The following KAT8 variants were observed in gnomAD, a reference collection of about 807,000 sequenced individuals.
KAT8 encodes lysine acetyltransferase 8.
Under a neutral mutation model 62.9 loss-of-function variants are expected in KAT8, and 40 were observed. The ratio of observed to expected loss-of-function variants is 0.64; its 90% CI spans 0.49 to 0.83. The LOEUF (loss-of-function observed/expected upper bound fraction) is 0.83, where lower values mean the gene tolerates loss of function less well. Ranked by LOEUF, KAT8 falls within the 40% of genes least tolerant of loss-of-function variation. The pLI is 0.00. For missense variants in KAT8, 387 were observed against 614.8 expected, an observed-to-expected ratio of 0.63 and a Z score of 3.92; for synonymous variants, 278 against 254.5, an observed-to-expected ratio of 1.09 and a Z score of -0.88.
chr16:31,127,368 G>A lies in KAT8; in HGVS notation c.681+15G>A, dbSNP rs773819331. 4.3e-6 allele frequency: 7 copies of A among 1,613,280 alleles called. No homozygotes were observed. The Admixed American group carries it at 1.0e-4, about 23-fold the overall frequency. On this transcript the variant is annotated intron_variant, in intron 5 of 10. Coordinates refer to ENST00000219797, the MANE Select transcript of KAT8 (RefSeq NM_032188.3). ...GCTTCCACTTGGTGAGGCTGGGCCG[G>A]CCGGGCCGAGCTGGGCAGGGGCCCG...
At chr16:31,128,254 A>G in intron 6 of KAT8, 115 bp downstream of exon 6, 1 of 806,052 alleles carries the variant, frequency 1.2e-6, no homozygotes, top group Non-Finnish European at 2.1e-6. Context: ...TATGGGCAGA[A>G]TGCCTCTGAG....
In KAT8 at chr16:31,117,912, C is replaced by T; in HGVS notation, c.211+20C>T. 1.1e-6 allele frequency: 1 copy of T among 920,648 alleles called. No homozygotes were observed. Among genetic ancestry groups the T allele is most frequent in the Non-Finnish European group, 1.4e-6 (1 of 724,694 alleles). The allele number at this position is 920,648 out of a possible 1,614,324, so 57.0% of individuals were successfully genotyped here. A position where few individuals can be genotyped will look rare whatever the true frequency, so the allele number is the denominator to read the frequency against. ...CCTGGCGTGAGGGCGGGGCCCAGGG[C>T]TGGGGGCGGGGCGGAGCTCAGGGCC... On this transcript the variant is annotated intron_variant, in intron 1 of 10. Transcript: ENST00000219797.
chr16:31,122,269 G>T (rs1163993236), intron 3 of KAT8: 2 of 152,180 alleles, frequency 1.3e-5, no homozygotes, highest in African/African-American at 4.8e-5. Flanking sequence ...ATTAAGTGTA[G>T]GTATTGTTTT....
chr16:31,122,754 AC>A (rs943769119), intron 3 of KAT8, among the ~76,000 whole-genome samples: 4 of 151,788 alleles, frequency 2.6e-5, no homozygotes, highest in African/African-American at 4.8e-5. Context: ...GGTGGCGTGC[AC>A]CTGTAGTCCC....
chr16:31,117,980 A>T (rs1265494174), intron 1 of KAT8, 88 bp downstream of exon 1: 2 of 1,018,254 alleles, frequency 2.0e-6, no homozygotes, highest in East Asian at 3.3e-5. Context: ...CAGTGAGGCC[A>T]AGATCCGGGG....
chr16:31,122,434 A>C (rs1000740217), intron 3 of KAT8: 1 of 152,156 alleles, frequency 6.6e-6, no homozygotes, highest in African/African-American at 2.4e-5. Context: ...AAAAATTGAA[A>C]TACCCTAAAC....
chr16:31,120,679 A>G, intron 3 of KAT8, 165 bp downstream of exon 3: 1 of 653,424 alleles, frequency 1.5e-6, no homozygotes, highest in Non-Finnish European at 2.5e-6. Flanking sequence ...TTCATAGGTA[A>G]GAAAACAGAC....
chr16:31,121,313 G>T (rs941220002), intron 3 of KAT8, among the ~76,000 whole-genome samples: 2 of 151,944 alleles, frequency 1.3e-5, no homozygotes, highest in Admixed American at 1.3e-4. Flanking sequence ...TAGAGACGAG[G>T]TTTCGCCATA....
intron 1 of KAT8, among the ~76,000 whole-genome samples, chr16:31,119,099 C>G (rs1303643749): frequency 2.0e-5 from 3 of 152,030 alleles, no homozygotes. Flanking sequence ...GATGGAATAA[C>G]TTGCTCAGTT....
rs1168608009 is a variant in KAT8, at chr16:31,120,531, A to G, written c.462+17A>G. On this transcript the variant is annotated intron_variant, in intron 3 of 10. Coordinates refer to ENST00000219797, the MANE Select transcript of KAT8 (RefSeq NM_032188.3). ...GTGCAGAAGGTCCGGATCCCTTCCC[A>G]TCCACGGGCCCAGGAGGCCCAGCTT... The G allele has an allele frequency of 6.3e-7, 1 of 1,589,890 alleles. No homozygotes were observed.
Position 31,130,818 on chromosome 16 carries a change from G to A in KAT8, c.1230G>A (p.Lys410=). The A allele has an allele frequency of 1.2e-6, 2 of 1,614,052 alleles. No homozygotes were observed. Among genetic ancestry groups the A allele is most frequent in the Non-Finnish European group, 1.7e-6 (2 of 1,180,002 alleles). ...CCCTCAATATGGTCAAGTACTGGAA[G>A]GGCCAGCACGTGATCTGTGTCACAC... is the stretch of plus-strand genomic sequence containing the variant. ...LQSLNMVKYW[K]GQHVICVTPK... The change falls in exon 10 of 11, where the codon AAG becomes AAA. Residue 410 remains lysine (K), a synonymous_variant. Transcript: ENST00000219797.
rs901263157 is a variant in KAT8, at chr16:31,117,713, C to T, written c.32C>T (p.Ala11Val). Residue 11 changes from alanine to valine, a missense_variant, in exon 1 of 11, where the codon GCG becomes GTG. This residue lies in a region of KAT8 where 92 missense variants were observed against 78.8 expected (regional missense o/e 1.17). Transcript: ENST00000219797. Reference sequence around the variant, plus strand: ...GCACAGGGAGCTGCTGCGGCGGTTGCGGCGGGGACTTCAGGGGTCGCGGGG... The same window carrying T: ...GCACAGGGAGCTGCTGCGGCGGTTGTGGCGGGGACTTCAGGGGTCGCGGGG... MAAQGAAAAV[A>V]AGTSGVAGEG... is the part of the protein sequence containing the mutation. The T allele has an allele frequency of 7.2e-6, 10 of 1,391,276 alleles. No individual in the cohort carries two copies. Among genetic ancestry groups the T allele is most frequent in the South Asian group, 4.7e-5 (3 of 64,018 alleles). 86.2% of individuals were successfully genotyped at this position (1,391,276 alleles called of 1,614,324 possible). A position where few individuals can be genotyped will look rare whatever the true frequency, so the allele number is the denominator to read the frequency against.
At chr16:31,126,319 A>G (rs1222423227) in intron 3 of KAT8, 1 of 152,426 alleles carries the variant, frequency 6.6e-6, no homozygotes, top group East Asian at 1.9e-4. Context: ...AGATGGGGCC[A>G]TGACTACCTG....
intron 3 of KAT8, chr16:31,124,100 A>G (rs2057517543): frequency 6.6e-6 from 1 of 152,250 alleles, no homozygotes; most frequent in Non-Finnish European, 1.5e-5. Context: ...CATTTGCAGA[A>G]GAGTACTGTA....
At chr16:31,121,942 G>C (rs994677017) in intron 3 of KAT8, among the ~76,000 whole-genome samples, 1 of 151,804 alleles carries the variant, frequency 6.6e-6, no homozygotes, top group Non-Finnish European at 1.5e-5. Context: ...TGTAGAGACG[G>C]GATCTGCTAT....
chr16:31,124,898 G>A (rs941194221), intron 3 of KAT8, among the ~76,000 whole-genome samples: 1 of 151,934 alleles, frequency 6.6e-6, no homozygotes, highest in South Asian at 2.1e-4. Context: ...GCTTGCTGGT[G>A]GGCGCCTGTA....
chr16:31,118,200 T>A (rs1025460254), intron 1 of KAT8: 5 of 292,976 alleles, frequency 1.7e-5, no homozygotes, highest in Admixed American at 5.1e-5. Context: ...CTAACGCTGC[T>A]TCCTCACCCT....
In KAT8 at chr16:31,130,754, C is replaced by T; in HGVS notation, c.1166C>T (p.Thr389Ile). 6.2e-7 allele frequency: 1 copy of T among 1,614,132 alleles called. No homozygotes were observed. The highest frequency in any genetic ancestry group is 8.5e-7 in the Non-Finnish European group (1 of 1,179,982). ...CTCATCCCTTTTTGCAGCCAGATGA[C>T]CAGTATCACCCAAAATGACATCATC... is the stretch of plus-strand genomic sequence containing the variant. ...TLSIKDLSQM[T>I]SITQNDIIST... The change falls in exon 10 of 11, where the codon ACC becomes ATC. Residue 389 changes from threonine (T) to isoleucine (I), a missense_variant. This residue lies in a region of KAT8 where 75 missense variants were observed against 105.7 expected (regional missense o/e 0.71). Transcript: ENST00000219797.
chr16:31,120,625 C>G, intron 3 of KAT8, 111 bp downstream of exon 3: 1 of 997,658 alleles, frequency 1.0e-6, no homozygotes, highest in Non-Finnish European at 1.4e-6. Context: ...TTCTTAAGCT[C>G]CTGTAGTGTG....
Sources: allele counts gnomAD v4.1 joint callset (sites outside exome capture counted in the v4.1 genomes callset), GRCh38; gene constraint gnomAD v4.1.1; regional missense constraint gnomAD v4.1.1; transcripts MANE v1.5; gene names NCBI Gene and HGNC (gene_info 2026-07-23, HGNC 2026-07-21).